DLC1: variants seen among roughly 807,000 people sequenced by gnomAD.
DLC1 encodes the protein rho GTPase-activating protein 7.
Under a neutral mutation model 140.3 loss-of-function variants are expected in DLC1, and 54 were observed. The observed-to-expected ratio is 0.38, with a 90% CI of 0.31 to 0.48. The LOEUF (loss-of-function observed/expected upper bound fraction) is 0.48, where lower values mean the gene tolerates loss of function less well. DLC1 is among the 20% of genes least tolerant of loss of function. The pLI is 0.96. For synonymous variants in DLC1, 986 were observed against 728.1 expected (o/e 1.35, Z -5.70); for missense variants, 2,536 against 1,907.0 (o/e 1.33, Z -6.14).
intron 1 of DLC1, among the ~76,000 whole-genome samples, chr8:13,595,763 T>A (rs1479703135): frequency 2.6e-5 from 4 of 152,060 alleles, no homozygotes; most frequent in African/African-American, 9.6e-5. Flanking sequence ...TGGGGTTTAT[T>A]GCATTGCATT....
chr8:13,256,935 C>T (rs1440150574), intron 5 of DLC1, among the ~76,000 whole-genome samples: 1 of 150,670 alleles, frequency 6.6e-6, no homozygotes, highest in Non-Finnish European at 1.5e-5. Context: ...CGCAGAACTG[C>T]CTTGGAGTAA....
chr8:13,236,453 C>G (rs1324087850), intron 5 of DLC1, among the ~76,000 whole-genome samples: 1 of 152,082 alleles, frequency 6.6e-6, no homozygotes, highest in African/African-American at 2.4e-5. Context: ...CTTAAAATCT[C>G]TTATTCACTA....
chr8:13,199,192 T>C (rs893793869), intron 5 of DLC1, among the ~76,000 whole-genome samples: 1 of 144,442 alleles, frequency 6.9e-6, no homozygotes, highest in Admixed American at 6.8e-5. Context: ...TTTTTTTTTT[T>C]TTTTTTTTTT....
At chr8:13,193,695 A>T (rs2117036473) in intron 5 of DLC1, among the ~76,000 whole-genome samples, 1 of 152,306 alleles carries the variant, frequency 6.6e-6, no homozygotes, top group East Asian at 1.9e-4. Context: ...AAGTGAGTAC[A>T]TTCAAGGGTG....
At chr8:13,424,985 A>G (rs1838491001) in intron 2 of DLC1, among the ~76,000 whole-genome samples, 1 of 152,190 alleles carries the variant, frequency 6.6e-6, no homozygotes, top group African/African-American at 2.4e-5. Flanking sequence ...TTTATTGCTA[A>G]ATATTGACAG....
At chr8:13,390,816 T>G (rs1386416643) in intron 4 of DLC1, among the ~76,000 whole-genome samples, 1 of 151,858 alleles carries the variant, frequency 6.6e-6, no homozygotes, top group African/African-American at 2.4e-5. Flanking sequence ...TGAAACCGTC[T>G]CTCTACTAAA....
At chr8:13,555,057 G>C (rs923773814) in intron 1 of DLC1, among the ~76,000 whole-genome samples, 2 of 152,152 alleles carry the variant, frequency 1.3e-5, no homozygotes, top group African/African-American at 4.8e-5. Flanking sequence ...CTCATTGGCT[G>C]TTCTCTTAGT....
At chr8:13,307,628 A>G (rs2117532248) in intron 4 of DLC1, among the ~76,000 whole-genome samples, 1 of 152,334 alleles carries the variant, frequency 6.6e-6, no homozygotes, top group East Asian at 1.9e-4. Flanking sequence ...TTCTTTTTTC[A>G]ACAAGACTGG....
At position 13,276,363 on chromosome 8, in the gene DLC1, A is replaced by T. The variant is rs998035808; in HGVS notation, c.1348+28906T>A. On this transcript the variant is annotated intron_variant, in intron 5 of 17. Transcript: ENST00000276297. ...AAAGGACCTCCGGAGAGGGGCTCGC[A>T]GGGGGCGCGCCATCACGTGGGCCTT... 6.6e-6 allele frequency: 10 copies of T among 1,522,506 alleles called. No homozygotes were observed. In the African/African-American group the frequency reaches 1.4e-4, roughly 21 times the overall value. 94.3% of individuals were successfully genotyped at this position (1,522,506 alleles called of 1,614,324 possible).
chr8:13,393,926 G>T (rs1393291402), intron 3 of DLC1, among the ~76,000 whole-genome samples: 1 of 152,196 alleles, frequency 6.6e-6, no homozygotes, highest in African/African-American at 2.4e-5. Context: ...ATACTATTTG[G>T]TAATTTAACA....
chr8:13,287,671 G>A (rs1349466388), intron 5 of DLC1, among the ~76,000 whole-genome samples: 2 of 152,178 alleles, frequency 1.3e-5, no homozygotes, highest in African/African-American at 2.4e-5. Flanking sequence ...AACCTCCCAA[G>A]GGAACAGAGG....
At chr8:13,125,543 TTC>T (rs1414588996) in intron 5 of DLC1, among the ~76,000 whole-genome samples, 4 of 152,184 alleles carry the variant, frequency 2.6e-5, no homozygotes, top group Non-Finnish European at 5.9e-5. Context: ...TTTTCATCTT[TTC>T]TCTTTACAAA....
At chr8:13,336,668 T>C (rs1833821399) in intron 4 of DLC1, among the ~76,000 whole-genome samples, 1 of 152,196 alleles carries the variant, frequency 6.6e-6, no homozygotes, top group Non-Finnish European at 1.5e-5. Flanking sequence ...TACATGCTCC[T>C]GCCTTCAACC....
intron 1 of DLC1, among the ~76,000 whole-genome samples, chr8:13,578,786 AG>A (rs36079665): frequency 0.16 from 25,036 of 151,914 alleles, 2,235 homozygotes; most frequent in Admixed American, 0.2. Flanking sequence ...CCCACCCTCC[AG>A]GTACCCCCAT....
rs149274892 is a variant in DLC1 at position 13,267,661 on chromosome 8, A to T, written c.1348+37608T>A. Among the ~76,000 whole-genome samples the T allele has an allele frequency of 3.1e-3, 466 of 152,206 alleles. 1 individual carries two copies. The highest frequency in any genetic ancestry group is 0.011 in the African/African-American group (438 of 41,538). ...GTTATATTATGACTTTTACACCAGC[A>T]ACCTATAACTCAGGAATCTTCAATC... On this transcript the variant is annotated intron_variant, in intron 5 of 17. Coordinates refer to ENST00000276297, the MANE Select transcript of DLC1 (RefSeq NM_182643.3).
At position 13,139,650 on chromosome 8, in the gene DLC1, T is replaced by C. The variant is rs143833345; in HGVS notation, c.1349-23993A>G. On this transcript the variant is annotated intron_variant, in intron 5 of 17. Coordinates refer to ENST00000276297, the MANE Select transcript of DLC1 (RefSeq NM_182643.3). ...ACTATATTGACAGTAGGAATTCCTTTTAAAGGCTATTTTATTTAAAGTCAT... is the reference window on the plus strand; with the variant it reads ...ACTATATTGACAGTAGGAATTCCTTCTAAAGGCTATTTTATTTAAAGTCAT... Among the ~76,000 whole-genome samples, 5 of 152,332 alleles carry C rather than the reference T, an allele frequency of 3.3e-5. No homozygotes were observed. In the East Asian group the frequency reaches 9.6e-4, roughly 29 times the overall value.
chr8:13,287,568 G>T (rs1188494492), intron 5 of DLC1, among the ~76,000 whole-genome samples: 1 of 152,136 alleles, frequency 6.6e-6, no homozygotes, highest in Non-Finnish European at 1.5e-5. Flanking sequence ...TTAAACCCTT[G>T]TTGGTATTTG....
intron 5 of DLC1, among the ~76,000 whole-genome samples, chr8:13,205,872 C>T (rs1244021748): frequency 6.6e-6 from 1 of 152,164 alleles, no homozygotes; most frequent in Non-Finnish European, 1.5e-5. Flanking sequence ...AGACCATTGA[C>T]ATTTCTCTGA....
chr8:13,482,136 G>A (rs1323035142), intron 2 of DLC1, among the ~76,000 whole-genome samples: 2 of 152,132 alleles, frequency 1.3e-5, no homozygotes, highest in East Asian at 1.9e-4. Context: ...TGTTAGGACA[G>A]CCCAAGAAAA....
Sources: gnomAD v4.1 joint callset for allele counts (sites outside exome capture counted in the v4.1 genomes callset) on GRCh38, gnomAD v4.1.1 for gene constraint, MANE v1.5 for transcripts, NCBI Gene and HGNC (gene_info 2026-07-23, HGNC 2026-07-21) for gene names.